The following SNX30 variants were observed in gnomAD, a reference collection of about 807,000 sequenced individuals.
SNX30 encodes the protein sorting nexin-30.
Under a neutral mutation model 46.4 loss-of-function variants are expected in SNX30, and 24 were observed. The ratio of observed to expected loss-of-function variants is 0.52; its 90% CI spans 0.37 to 0.73. The LOEUF (loss-of-function observed/expected upper bound fraction) is 0.73. Ranked by LOEUF, SNX30 falls within the 30% of genes least tolerant of loss-of-function variation. SNX30 has a pLI of 0.00. For missense variants in SNX30, 533 were observed against 555.7 expected (o/e 0.96, Z 0.41); for synonymous variants, 189 against 211.5 (o/e 0.89, Z 0.92).
At chr9:112,837,022 T>C (rs997213266) in intron 5 of SNX30, among the ~76,000 whole-genome samples, 1 of 152,140 alleles carries the variant, frequency 6.6e-6, no homozygotes, top group African/African-American at 2.4e-5. Flanking sequence ...TCTCCTTACA[T>C]ATGCATGGGG....
At chr9:112,798,127 T>G (rs1330522818) in intron 1 of SNX30, among the ~76,000 whole-genome samples, 1 of 57,222 alleles carries the variant, frequency 1.7e-5, no homozygotes, top group Non-Finnish European at 4.0e-5. Flanking sequence ...TTTTCTTTTT[T>G]TTTTTTTTTT....
At chr9:112,776,730 G>C (rs923006936) in intron 1 of SNX30, among the ~76,000 whole-genome samples, 1 of 152,230 alleles carries the variant, frequency 6.6e-6, no homozygotes, top group Non-Finnish European at 1.5e-5. Flanking sequence ...GGTGGGGTAA[G>C]TCTGAGACGG....
Position 112,874,489 on chromosome 9 carries a change from T to A in SNX30, c.*5646T>A, listed in dbSNP as rs1841492756. On this transcript the variant is annotated 3_prime_UTR_variant, in exon 9 of 9. Coordinates refer to ENST00000374232, the MANE Select transcript of SNX30 (RefSeq NM_001012994.2). ...GACATGTCCACATTATGGACTGTCA[T>A]CTTATTTTTAAAAGTCATTCTTTAC... 6.6e-6 allele frequency: 1 copy of A among 152,242 alleles called. No individual in the cohort carries two copies. The highest frequency in any genetic ancestry group is 6.5e-5 in the Admixed American group (1 of 15,288). The allele number at this position is 152,242 out of a possible 1,614,324, so 9.4% of individuals were successfully genotyped here. A position where few individuals can be genotyped will look rare whatever the true frequency, so the allele number is the denominator to read the frequency against.
intron 6 of SNX30, among the ~76,000 whole-genome samples, chr9:112,850,514 C>T (rs1841005325): frequency 6.6e-6 from 1 of 152,256 alleles, no homozygotes; most frequent in African/African-American, 2.4e-5. Flanking sequence ...TCTGCACAGC[C>T]GGGCTCTGGC....
At chr9:112,867,545 T>A (rs1841381455) in intron 8 of SNX30, among the ~76,000 whole-genome samples, 1 of 149,834 alleles carries the variant, frequency 6.7e-6, no homozygotes, top group Non-Finnish European at 1.5e-5. Flanking sequence ...TCAGAATTCC[T>A]CCTTCCTCCT....
At chr9:112,855,975 C>T (rs1042984405) in intron 7 of SNX30, among the ~76,000 whole-genome samples, 3 of 152,014 alleles carry the variant, frequency 2.0e-5, no homozygotes, top group Middle Eastern at 3.2e-3. Context: ...TAAATGGCAC[C>T]GGGAGCATCC....
chr9:112,774,458 A>G (rs1485162694), intron 1 of SNX30, among the ~76,000 whole-genome samples: 1 of 152,248 alleles, frequency 6.6e-6, no homozygotes, highest in Admixed American at 6.5e-5. Context: ...TAATTTAGAC[A>G]GAATAGACAA....
chr9:112,878,649 G>A (rs924293303), downstream of SNX30: 4 of 152,190 alleles, frequency 2.6e-5, no homozygotes, highest in African/African-American at 7.2e-5. Flanking sequence ...CTGCTGTTCT[G>A]TCTGCTTCAC....
rs1840549251 is a variant in SNX30, at chr9:112,824,357, T to A, written c.460-6368T>A. Among the ~76,000 whole-genome samples the A allele has an allele frequency of 2.0e-5, 3 of 152,166 alleles. No individual in the cohort carries two copies. In the South Asian group the frequency reaches 6.2e-4, roughly 32 times the overall value. On this transcript the variant is annotated intron_variant, in intron 3 of 8. Transcript: ENST00000374232. ...GGATTTTTTTGCAGGATCCAACATA[T>A]ATATGTGTATATTCAGTTTCTAAAA...
chr9:112,817,068 A>T (rs1018343950), intron 2 of SNX30, among the ~76,000 whole-genome samples: 3 of 152,204 alleles, frequency 2.0e-5, no homozygotes, highest in Non-Finnish European at 4.4e-5. Flanking sequence ...TGTCTAAAAT[A>T]TAACAGTTCC....
At chr9:112,847,659 A>G (rs141936316) in intron 6 of SNX30, among the ~76,000 whole-genome samples, 2 of 152,306 alleles carry the variant, frequency 1.3e-5, no homozygotes, top group East Asian at 3.9e-4. Flanking sequence ...TTAAAGAATC[A>G]TCTGTCTTCT....
intron 1 of SNX30, among the ~76,000 whole-genome samples, chr9:112,781,432 T>A (rs901649954): frequency 1.3e-5 from 2 of 152,170 alleles, no homozygotes; most frequent in Non-Finnish European, 2.9e-5. Flanking sequence ...AGAAAAAAAA[T>A]TGCTGTCTAT....
downstream of SNX30, chr9:112,879,898 G>A (rs148512114): frequency 3.9e-5 from 53 of 1,367,292 alleles, no homozygotes; most frequent in African/African-American, 5.8e-4. Flanking sequence ...CAGGGTTAAT[G>A]ATAATTACAA....
At chr9:112,778,515 G>A (rs371351884) in intron 1 of SNX30, among the ~76,000 whole-genome samples, 2 of 152,058 alleles carry the variant, frequency 1.3e-5, no homozygotes, top group South Asian at 2.1e-4. Flanking sequence ...TAGGTGATCC[G>A]CCAGCCTCGG....
At chr9:112,811,265 CT>C (rs1840314585) in intron 2 of SNX30, among the ~76,000 whole-genome samples, 1 of 152,152 alleles carries the variant, frequency 6.6e-6, no homozygotes, top group African/African-American at 2.4e-5. Flanking sequence ...GAAGAGATCC[CT>C]TTGTTGGGAG....
chr9:112,797,873 ATT>A (rs55871515), intron 1 of SNX30, among the ~76,000 whole-genome samples: 16 of 121,940 alleles, frequency 1.3e-4, no homozygotes, highest in African/African-American at 2.8e-4. Context: ...TAATATTGGT[ATT>A]TTTTTTTTTT....
Position 112,872,359 on chromosome 9 carries a change from C to T in SNX30, c.*3516C>T, listed in dbSNP as rs1324930. On this transcript the variant is annotated 3_prime_UTR_variant, in exon 9 of 9. Transcript: ENST00000374232. ...TTACTGTGTGACTTGGTCCTGCCAT[C>T]GTTAGCTTTGAAATCACAGGCATTG... 127,148 of 152,260 alleles carry T rather than the reference C, an allele frequency of 0.84. 53,647 individuals are homozygous for T. Among genetic ancestry groups the T allele is most frequent in the Non-Finnish European group, 0.9 (61,392 of 68,044 alleles). 9.4% of individuals were successfully genotyped at this position (152,260 alleles called of 1,614,324 possible). A position where few individuals can be genotyped will look rare whatever the true frequency, so the allele number is the denominator to read the frequency against.
downstream of SNX30, among the ~76,000 whole-genome samples, chr9:112,884,198 G>A (rs78168483): frequency 0.042 from 6,325 of 152,292 alleles, 309 homozygotes; most frequent in South Asian, 0.18. Flanking sequence ...TGCAGCCACA[G>A]CCCCCTGGGA....
intron 2 of SNX30, among the ~76,000 whole-genome samples, chr9:112,815,608 A>G (rs1351425639): frequency 6.6e-6 from 1 of 152,118 alleles, no homozygotes; most frequent in Non-Finnish European, 1.5e-5. Context: ...TGATCAGCCC[A>G]CCTCGGCCTC....
Sources: allele counts gnomAD v4.1 joint callset (sites outside exome capture counted in the v4.1 genomes callset), GRCh38; gene constraint gnomAD v4.1.1; transcripts MANE v1.5; gene names NCBI Gene and HGNC (gene_info 2026-07-23, HGNC 2026-07-21).